The following RGS6 variants were observed in gnomAD, a reference collection of about 807,000 sequenced individuals.
RGS6 encodes the protein regulator of G protein signaling 6.
RGS6 carries 30 observed loss-of-function variants against 78.5 expected under a neutral mutation model. The observed-to-expected ratio is 0.38, with a 90% CI of 0.29 to 0.52. The LOEUF (loss-of-function observed/expected upper bound fraction) is 0.52. RGS6 is among the 20% of genes least tolerant of loss of function. The pLI is 0.85. For missense variants in RGS6, 495 were observed against 609.7 expected (o/e 0.81, Z 1.98); for synonymous variants, 206 against 206.0 (o/e 1.00, Z 0.00).
chr14:72,467,345 G>A (rs2095945187), intron 7 of RGS6, among the ~76,000 whole-genome samples: 1 of 152,114 alleles, frequency 6.6e-6, no homozygotes, highest in Non-Finnish European at 1.5e-5. Flanking sequence ...TCCTTCCCTG[G>A]ATAGTCCAGC....
chr14:72,191,594 A>G (rs1027464467), intron 2 of RGS6, among the ~76,000 whole-genome samples: 3 of 152,238 alleles, frequency 2.0e-5, no homozygotes, highest in Admixed American at 6.5e-5. Context: ...TTATAAAACC[A>G]TCAGATCTCA....
intron 2 of RGS6, among the ~76,000 whole-genome samples, chr14:72,150,378 CAGAG>C (rs1007986276): frequency 3.9e-5 from 6 of 152,100 alleles, no homozygotes; most frequent in African/African-American, 7.2e-5. Flanking sequence ...CTCTAAAACT[CAGAG>C]AGAATAAATT....
intron 5 of RGS6, 31 bp from the exon 6 acceptor site, chr14:72,459,598 GCCC>G: frequency 6.2e-7 from 1 of 1,610,808 alleles, no homozygotes; most frequent in Non-Finnish European, 8.5e-7. Context: ...GGCATGGCGC[GCCC>G]CTGAGCACTA....
intron 17 of RGS6, among the ~76,000 whole-genome samples, chr14:72,552,386 G>A (rs1295864820): frequency 1.3e-5 from 2 of 152,226 alleles, no homozygotes; most frequent in Non-Finnish European, 2.9e-5. Flanking sequence ...AGCCTGTAAG[G>A]TGCTGGGAGG....
At chr14:71,956,140 T>G (rs1002584524) in intron 1 of RGS6, among the ~76,000 whole-genome samples, 3 of 152,190 alleles carry the variant, frequency 2.0e-5, no homozygotes, top group African/African-American at 7.2e-5. Context: ...CATTTAATGT[T>G]TGTGGCCATG....
At chr14:72,600,642 T>C in the RGS6 span, among the ~76,000 whole-genome samples, 1 of 152,026 alleles carries the variant, frequency 6.6e-6, no homozygotes, top group Non-Finnish European at 1.5e-5. Flanking sequence ...CCAGCCATGG[T>C]CTAGAGAAAG....
At chr14:72,547,235 G>C (rs2097420209) in intron 17 of RGS6, 1 of 1,535,546 alleles carries the variant, frequency 6.5e-7, no homozygotes. Context: ...TCCAATGGCA[G>C]GAGTCTGGCA....
chr14:72,247,387 A>T (rs558618485), intron 2 of RGS6, among the ~76,000 whole-genome samples: 2 of 152,194 alleles, frequency 1.3e-5, no homozygotes, highest in Non-Finnish European at 2.9e-5. Flanking sequence ...TACTCCTGCA[A>T]ACTTCATTAT....
chr14:71,878,194 A>G, the RGS6 span, among the ~76,000 whole-genome samples: 2 of 152,030 alleles, frequency 1.3e-5, no homozygotes, highest in East Asian at 1.9e-4. Flanking sequence ...GGGAATGACT[A>G]CTCTCTTCAA....
intron 2 of RGS6, among the ~76,000 whole-genome samples, chr14:72,321,759 G>A (rs1000403070): frequency 2.6e-5 from 4 of 151,970 alleles, no homozygotes; most frequent in Non-Finnish European, 5.9e-5. Flanking sequence ...AGGCTTAACA[G>A]ACAAAATAGA....
In RGS6 at chr14:72,166,242, G is replaced by A. The variant is rs548135898; in HGVS notation, c.85-185853G>A. Among the ~76,000 whole-genome samples, 6 of 152,054 alleles carry A rather than the reference G, an allele frequency of 3.9e-5. No individual in the cohort carries two copies. The East Asian group carries it at 1.2e-3, about 29-fold the overall frequency. On this transcript the variant is annotated intron_variant, in intron 2 of 17. Coordinates refer to ENST00000553525, the MANE Select transcript of RGS6 (RefSeq NM_001204424.2). The stretch of plus-strand genomic sequence containing the variant: ...TGCCTTCAAAATCTCCACTTTAGTT[G>A]CAGTTTTGTTTTACTATATGTCTTA...
chr14:72,495,037 AT>A, intron 12 of RGS6, 114 bp from the exon 13 acceptor site: 4 of 680,560 alleles, frequency 5.9e-6, no homozygotes, highest in South Asian at 3.6e-5. Flanking sequence ...GCGGAAATAA[AT>A]TTTTTCCTTT....
At chr14:72,308,583 C>T (rs2067802288) in intron 2 of RGS6, among the ~76,000 whole-genome samples, 1 of 152,152 alleles carries the variant, frequency 6.6e-6, no homozygotes, top group Non-Finnish European at 1.5e-5. Flanking sequence ...CAACACAGTC[C>T]TGCTTAATTA....
At chr14:72,627,102 G>A in the RGS6 span, among the ~76,000 whole-genome samples, 1 of 151,884 alleles carries the variant, frequency 6.6e-6, no homozygotes, top group Non-Finnish European at 1.5e-5. Context: ...TTTCCTCCCA[G>A]TTTGTCAGTT....
chr14:72,246,539 T>G (rs2054260276), intron 2 of RGS6, among the ~76,000 whole-genome samples: 1 of 152,250 alleles, frequency 6.6e-6, no homozygotes, highest in African/African-American at 2.4e-5. Context: ...CTGACTTGAA[T>G]GTACATACAA....
chr14:72,356,737 AG>A (rs1328411208), intron 3 of RGS6, among the ~76,000 whole-genome samples: 4 of 152,190 alleles, frequency 2.6e-5, no homozygotes, highest in East Asian at 3.8e-4. Context: ...TGATTTCATA[AG>A]GGGCTTTTCC....
chr14:72,056,524 G>A (rs1018864094), intron 2 of RGS6, among the ~76,000 whole-genome samples: 2 of 152,242 alleles, frequency 1.3e-5, no homozygotes, highest in African/African-American at 4.8e-5. Context: ...AAAATCAAAT[G>A]TGTTATATTT....
At chr14:72,390,517 G>C (rs2089675255) in intron 3 of RGS6, among the ~76,000 whole-genome samples, 1 of 152,174 alleles carries the variant, frequency 6.6e-6, no homozygotes, top group East Asian at 1.9e-4. Flanking sequence ...AGAACATTGA[G>C]ACAGTTATGA....
chr14:72,426,455 G>T (rs2094438481), intron 3 of RGS6, among the ~76,000 whole-genome samples: 1 of 152,170 alleles, frequency 6.6e-6, no homozygotes, highest in Non-Finnish European at 1.5e-5. Flanking sequence ...GGTATTGAGA[G>T]CACTTATCTT....
Sources: allele counts gnomAD v4.1 joint callset (sites outside exome capture counted in the v4.1 genomes callset), GRCh38; gene constraint gnomAD v4.1.1; transcripts MANE v1.5; gene names NCBI Gene and HGNC (gene_info 2026-07-23, HGNC 2026-07-21).